The following SDSL variants were observed in gnomAD, a reference collection of about 807,000 sequenced individuals.
SDSL encodes serine dehydratase like, also known as serine dehydratase-like.
A neutral mutation model predicts 27.6 loss-of-function variants in SDSL; 26 were observed. The observed-to-expected ratio is 0.94, with a 90% CI of 0.69 to 1.31. SDSL has a LOEUF of 1.31. SDSL is among the 50% of genes most tolerant of loss of function. The probability of loss-of-function intolerance (pLI) is 0.00; values close to 1 mark genes in which losing one functional copy is unlikely to be tolerated. For missense variants in SDSL, 431 were observed against 423.5 expected, an observed-to-expected ratio of 1.02 and a Z score of -0.16; for synonymous variants, 196 against 180.6, an observed-to-expected ratio of 1.09 and a Z score of -0.69.
At chr12:113,425,707 A>G (rs1468164704) in intron 1 of SDSL, 1 of 455,744 alleles carries the variant, frequency 2.2e-6, no homozygotes, top group Admixed American at 2.4e-5. Flanking sequence ...CAAACCTCTC[A>G]AAGGGCTGAG....
rs1425297706 is a variant in SDSL at position 113,436,824 on chromosome 12, T to C, written c.745T>C (p.Ser249Pro). ...LECMQVCKIH[S>P]EVVEDTEAVS... is the part of the protein sequence containing the mutation. The stretch of plus-strand genomic sequence containing the variant: ...GTGCATGCAGGTGTGCAAGATTCAC[T>C]CTGAAGTGGTGGAGGACACCGAGGC... The change falls in exon 7 of 8, where the codon TCT (serine) becomes CCT (proline). Residue 249 changes from serine to proline, a missense_variant. Physicochemically the swap from Ser to Pro is moderately conservative, Grantham distance 74. Transcript: ENST00000403593. The C allele has an allele frequency of 6.2e-7, 1 of 1,612,168 alleles. No homozygotes were observed. Among genetic ancestry groups the C allele is most frequent in the Admixed American group, 1.7e-5 (1 of 59,936 alleles).
intron 1 of SDSL, among the ~76,000 whole-genome samples, chr12:113,426,514 C>T (rs1328451291): frequency 6.6e-6 from 1 of 152,058 alleles, no homozygotes; most frequent in Non-Finnish European, 1.5e-5. Flanking sequence ...ATTGTGATTA[C>T]ATTTTTAAAA....
chr12:113,438,252 G>A lies in SDSL; in HGVS notation c.*173G>A, dbSNP rs375569159. The A allele has an allele frequency of 1.4e-4, 72 of 529,154 alleles. No individual in the cohort carries two copies. Among genetic ancestry groups the A allele is most frequent in the Non-Finnish European group, 1.8e-4 (55 of 302,140 alleles). 32.8% of individuals were successfully genotyped at this position (529,154 alleles called of 1,614,324 possible). On this transcript the variant is annotated 3_prime_UTR_variant, in exon 8 of 8. Coordinates refer to ENST00000403593, the MANE Select transcript of SDSL (RefSeq NM_001304993.2). ...CTTCTTTTGGCTCTCCGACAACTCC[G>A]GCCAATAAACACTTTCTGAATTGAG...
intron 3 of SDSL, among the ~76,000 whole-genome samples, 181 bp from the exon 4 acceptor site, chr12:113,428,979 G>C (rs1443309654): frequency 2.0e-5 from 3 of 152,018 alleles, no homozygotes; most frequent in Non-Finnish European, 4.4e-5. Flanking sequence ...TCATGGGTTG[G>C]GGGATTAGGT....
chr12:113,432,260 CTTTCTTTCTTTCTT>C (rs1565879113), intron 4 of SDSL, among the ~76,000 whole-genome samples: 1 of 137,582 alleles, frequency 7.3e-6, no homozygotes, highest in African/African-American at 2.9e-5. Flanking sequence ...TTCTTTCTTT[CTTTCTTTCTTTCTT>C]TCTTTCTTTC....
intron 4 of SDSL, among the ~76,000 whole-genome samples, chr12:113,432,378 T>C (rs1957945603): frequency 6.6e-6 from 1 of 151,956 alleles, no homozygotes; most frequent in African/African-American, 2.4e-5. Flanking sequence ...AGTCTTGCTC[T>C]GTTGCCAAGC....
intron 7 of SDSL, 194 bp downstream of exon 7, chr12:113,437,069 G>A (rs1245320216): frequency 2.3e-6 from 1 of 434,898 alleles, no homozygotes; most frequent in Non-Finnish European, 3.9e-6. Flanking sequence ...GCTGTCTCTA[G>A]CCCCCAGACT....
chr12:113,434,118 C>A lies in SDSL; in HGVS notation c.355-16C>A. The A allele has an allele frequency of 6.2e-7, 1 of 1,610,396 alleles. No homozygotes were observed. On this transcript the variant is annotated splice_polypyrimidine_tract_variant and intron_variant, in intron 4 of 7. Transcript: ENST00000403593. ...CCCACTCCCGGCTGTTCTGAGGGCC[C>A]TTGGTTTCTCTGTAGGTCTGGGACG...
At chr12:113,431,903 G>A (rs968226315) in intron 4 of SDSL, among the ~76,000 whole-genome samples, 6 of 149,730 alleles carry the variant, frequency 4.0e-5, no homozygotes, top group South Asian at 2.1e-4. Flanking sequence ...CAGCCACCAC[G>A]CCTGGCTATT....
Position 113,429,769 on chromosome 12 carries a change from T to C in SDSL, c.354+470T>C, listed in dbSNP as rs1957897228. The stretch of plus-strand genomic sequence containing the variant: ...ACACAGATACAAAATCTGTCTTTCC[T>C]TCTGTGAAGAAGGAAAAAATCATTC... On this transcript the variant is annotated intron_variant, in intron 4 of 7. Coordinates refer to ENST00000403593, the MANE Select transcript of SDSL (RefSeq NM_001304993.2). 2.6e-5 allele frequency among the ~76,000 whole-genome samples: 4 copies of C among 152,116 alleles called. No homozygotes were observed. In the South Asian group the frequency reaches 8.3e-4, roughly 32 times the overall value.
Position 113,434,062 on chromosome 12 carries a change from C to A in SDSL, c.355-72C>A, listed in dbSNP as rs1281829425. 6 of 1,280,448 alleles carry A rather than the reference C, an allele frequency of 4.7e-6. No individual in the cohort carries two copies. In the Admixed American group the frequency reaches 1.1e-4, roughly 24 times the overall value. The allele number at this position is 1,280,448 out of a possible 1,614,324, so 79.3% of individuals were successfully genotyped here. ...TAGATCCTGGGGCCACCAAGGAGAT[C>A]CTGGGCCTCTGCTCCGGCCTCCATA... On this transcript the variant is annotated intron_variant, in intron 4 of 7. Transcript: ENST00000403593.
At chr12:113,431,673 A>C (rs185372070) in intron 4 of SDSL, among the ~76,000 whole-genome samples, 23 of 150,926 alleles carry the variant, frequency 1.5e-4, no homozygotes, top group Admixed American at 1.5e-3. Context: ...TCCCAAGTTC[A>C]AGCAATTCTC....
intron 6 of SDSL, 110 bp downstream of exon 6, chr12:113,435,666 G>A: frequency 3.5e-6 from 3 of 865,972 alleles, no homozygotes; most frequent in Non-Finnish European, 5.5e-6. Flanking sequence ...GGCTGTCCTT[G>A]GTCCTGGGAC....
intron 4 of SDSL, among the ~76,000 whole-genome samples, chr12:113,433,138 G>A (rs1038699540): frequency 1.3e-5 from 2 of 152,212 alleles, no homozygotes; most frequent in African/African-American, 4.8e-5. Context: ...CACCAACAGT[G>A]TATTTTTTGT....
rs142840268 is a variant in SDSL at position 113,428,057 on chromosome 12, G to A, written c.75G>A (p.Ala25=). 80 of 1,613,976 alleles carry A rather than the reference G, an allele frequency of 5.0e-5. No homozygotes were observed. In the African/African-American group the frequency reaches 6.9e-4, roughly 14 times the overall value. ...HVVTPLLESW[A]LSQVAGMPVF... ...TCACACCTCTGTTGGAGAGCTGGGC[G>A]CTGTCCCAGGTGGCGGGCATGCCTG... Residue 25 remains alanine (A), a synonymous_variant, in exon 2 of 8, where the codon GCG becomes GCA. Coordinates refer to ENST00000403593, the MANE Select transcript of SDSL (RefSeq NM_001304993.2).
Position 113,435,339 on chromosome 12 carries a change from G to T in SDSL, c.454G>T (p.Ala152Ser). ...ACCCCCCCTCCCCAGGAAAGGCCACGCCAGCCTGGTGCAGGAGCTGAAAGC... is the reference window on the plus strand; with the variant it reads ...ACCCCCCCTCCCCAGGAAAGGCCACTCCAGCCTGGTGCAGGAGCTGAAAGC... Reference protein sequence around the residue: ...FDHPLIWKGHASLVQELKAVL... With the variant: ...FDHPLIWKGHSSLVQELKAVL... The change falls in exon 6 of 8, where the codon GCC becomes TCC. Residue 152 changes from alanine to serine, a missense_variant. Ala to Ser is a moderately conservative substitution (Grantham distance 99). Coordinates refer to ENST00000403593, the MANE Select transcript of SDSL (RefSeq NM_001304993.2). 2 of 1,530,306 alleles carry T rather than the reference G, an allele frequency of 1.3e-6. No individual in the cohort carries two copies. The highest frequency in any genetic ancestry group is 1.3e-5 in the South Asian group (1 of 79,648). The allele number at this position is 1,530,306 out of a possible 1,614,324, so 94.8% of individuals were successfully genotyped here.
At chr12:113,425,858 G>A (rs1225571994) in intron 1 of SDSL, 1 of 391,618 alleles carries the variant, frequency 2.6e-6, no homozygotes, top group Non-Finnish European at 5.0e-6. Flanking sequence ...GCGTGGTGAC[G>A]TGTGCCTGTG....
intron 7 of SDSL, 191 bp downstream of exon 7, chr12:113,437,066 C>T (rs1374159562): frequency 2.2e-6 from 1 of 450,382 alleles, no homozygotes; most frequent in Admixed American, 4.6e-5. Context: ...CTTGCTGTCT[C>T]TAGCCCCCAG....
intron 4 of SDSL, among the ~76,000 whole-genome samples, chr12:113,433,854 C>T (rs573574531): frequency 2.0e-5 from 3 of 152,320 alleles, no homozygotes; most frequent in African/African-American, 4.8e-5. Context: ...GGAGCTGACC[C>T]GCTCCCAGCC....
Sources: allele counts gnomAD v4.1 joint callset (sites outside exome capture counted in the v4.1 genomes callset), GRCh38; gene constraint gnomAD v4.1.1; transcripts MANE v1.5; gene names NCBI Gene and HGNC (gene_info 2026-07-23, HGNC 2026-07-21).